GABBR2: variants seen among roughly 807,000 people sequenced by gnomAD.
The protein encoded by GABBR2 is G-protein coupled receptor 51.
In GABBR2, 23 loss-of-function variants were observed where a neutral mutation model predicts 105.6. The observed-to-expected ratio is 0.22, with a 90% CI of 0.16 to 0.31. The LOEUF (loss-of-function observed/expected upper bound fraction) is 0.31. Ranked by LOEUF, GABBR2 falls within the 10% of genes least tolerant of loss-of-function variation. The pLI is 1.00. For missense variants in GABBR2, 734 were observed against 1,245.5 expected (o/e 0.59, Z 6.18); for synonymous variants, 478 against 499.7 (o/e 0.96, Z 0.58).
At chr9:98,328,272 C>T (rs551757359) in intron 13 of GABBR2, among the ~76,000 whole-genome samples, 20 of 151,910 alleles carry the variant, frequency 1.3e-4, no homozygotes, top group African/African-American at 2.4e-4. Flanking sequence ...TGAGCTGTGA[C>T]GTGGAGAGAA....
At chr9:98,504,031 C>T (rs1044053542) in intron 3 of GABBR2, among the ~76,000 whole-genome samples, 15 of 152,240 alleles carry the variant, frequency 9.9e-5, no homozygotes, top group East Asian at 7.7e-4. Flanking sequence ...TGAAAACCCC[C>T]GAGCCCCCTG....
chr9:98,615,755 T>C (rs1829573952), intron 1 of GABBR2, among the ~76,000 whole-genome samples: 1 of 152,228 alleles, frequency 6.6e-6, no homozygotes, highest in South Asian at 2.1e-4. Context: ...AGAACTGTGC[T>C]GGACTCCTTG....
At chr9:98,451,533 G>GC (rs147651223) in intron 7 of GABBR2, among the ~76,000 whole-genome samples, 13,353 of 144,124 alleles carry the variant, frequency 0.093, 722 homozygotes, top group South Asian at 0.24. Flanking sequence ...CCTCCCCACT[G>GC]CCCCCCAGCA....
At chr9:98,400,568 T>C (rs1252581706) in intron 8 of GABBR2, among the ~76,000 whole-genome samples, 1 of 152,168 alleles carries the variant, frequency 6.6e-6, no homozygotes, top group Non-Finnish European at 1.5e-5. Context: ...TAAGGGAACA[T>C]ATATAAGGAC....
Position 98,574,772 on chromosome 9 carries a change from C to T in GABBR2, c.459+3163G>A, listed in dbSNP as rs527428795. Among the ~76,000 whole-genome samples, 39 of 152,250 alleles carry T rather than the reference C, an allele frequency of 2.6e-4. No homozygotes were observed. In the South Asian group the frequency reaches 2.7e-3, roughly 11 times the overall value. ...TGGTCTGCAAGCTGGGAGTTTCCAA[C>T]GTTGTGCTTGTTCCTGCAGCTCCTC... On this transcript the variant is annotated intron_variant, in intron 2 of 18. Transcript: ENST00000259455.
chr9:98,321,750 C>T (rs1411731184), intron 13 of GABBR2, among the ~76,000 whole-genome samples: 4 of 152,164 alleles, frequency 2.6e-5, no homozygotes, highest in South Asian at 2.1e-4. Flanking sequence ...CAATTAAACC[C>T]GGAGAAGAAA....
chr9:98,415,463 A>T (rs931700643), intron 7 of GABBR2, among the ~76,000 whole-genome samples: 1 of 152,144 alleles, frequency 6.6e-6, no homozygotes, highest in Non-Finnish European at 1.5e-5. Flanking sequence ...TCAAAGTCGA[A>T]TAACAAAGAG....
intron 1 of GABBR2, among the ~76,000 whole-genome samples, chr9:98,652,732 G>A (rs934090605): frequency 3.9e-5 from 6 of 152,212 alleles, no homozygotes; most frequent in Non-Finnish European, 5.9e-5. Context: ...GAGGCAATGG[G>A]TCTTTTCCAA....
At chr9:98,535,653 C>T (rs993827265) in intron 3 of GABBR2, among the ~76,000 whole-genome samples, 4 of 152,014 alleles carry the variant, frequency 2.6e-5, no homozygotes, top group Non-Finnish European at 5.9e-5. Context: ...GTCTGGGAAC[C>T]AATCCCCCAT....
chr9:98,364,601 A>ATTTTTTTT (rs61391834), intron 12 of GABBR2, among the ~76,000 whole-genome samples: 23,409 of 134,518 alleles, frequency 0.17, 2,341 homozygotes, highest in South Asian at 0.21. Context: ...GAGGAAGTGG[A>ATTTTTTTT]TTTTTTTTTT....
chr9:98,335,106 AATAGAAACCTC>A (rs1283439038), intron 13 of GABBR2, among the ~76,000 whole-genome samples: 1 of 152,210 alleles, frequency 6.6e-6, no homozygotes, highest in African/African-American at 2.4e-5. Flanking sequence ...ATGCTGCAGA[AATAGAAACCTC>A]ATAGAAACCT....
At chr9:98,687,562 T>C (rs1338448780) in intron 1 of GABBR2, among the ~76,000 whole-genome samples, 2 of 152,136 alleles carry the variant, frequency 1.3e-5, no homozygotes, top group Non-Finnish European at 2.9e-5. Context: ...AGAGACTCTG[T>C]TGAGGCCAGA....
chr9:98,662,720 A>C (rs1398624049), intron 1 of GABBR2, among the ~76,000 whole-genome samples: 2 of 152,196 alleles, frequency 1.3e-5, no homozygotes, highest in African/African-American at 4.8e-5. Flanking sequence ...CCAGGCCTGC[A>C]GTACTGACCC....
intron 7 of GABBR2, among the ~76,000 whole-genome samples, chr9:98,436,363 A>AC (rs1825918567): frequency 4.6e-4 from 3 of 6,478 alleles, no homozygotes; most frequent in Admixed American, 1.5e-3. Context: ...ATATATATAT[A>AC]TATATATATA....
chr9:98,384,496 A>C (rs747151383), intron 11 of GABBR2, among the ~76,000 whole-genome samples: 6 of 152,144 alleles, frequency 3.9e-5, no homozygotes, highest in Non-Finnish European at 5.9e-5. Context: ...AGGCTGAGGC[A>C]GGAGAATCAC....
intron 1 of GABBR2, among the ~76,000 whole-genome samples, chr9:98,638,816 C>T (rs1273529403): frequency 1.3e-5 from 2 of 152,164 alleles, no homozygotes; most frequent in Non-Finnish European, 2.9e-5. Context: ...TTTACTGAGG[C>T]TCCAGAGGAA....
chr9:98,372,871 T>G (rs912597434), intron 11 of GABBR2, among the ~76,000 whole-genome samples: 1 of 152,232 alleles, frequency 6.6e-6, no homozygotes, highest in African/African-American at 2.4e-5. Context: ...AGGACAACAG[T>G]ATCACAGCGC....
At chr9:98,373,653 C>T (rs944061662) in intron 11 of GABBR2, among the ~76,000 whole-genome samples, 2 of 152,174 alleles carry the variant, frequency 1.3e-5, no homozygotes, top group African/African-American at 4.8e-5. Flanking sequence ...AATTTAGTGA[C>T]ATGACTGTTA....
chr9:98,613,367 T>C (rs1829534576), intron 1 of GABBR2, among the ~76,000 whole-genome samples: 1 of 151,000 alleles, frequency 6.6e-6, no homozygotes, highest in African/African-American at 2.4e-5. Flanking sequence ...GTGAGCCCAG[T>C]AGATTGCGGT....
Sources: allele counts gnomAD v4.1 joint callset (sites outside exome capture counted in the v4.1 genomes callset), GRCh38; gene constraint gnomAD v4.1.1; transcripts MANE v1.5; gene names NCBI Gene and HGNC (gene_info 2026-07-23, HGNC 2026-07-21).